The following PEAK1 variants were observed in gnomAD, a reference collection of about 807,000 sequenced individuals.
PEAK1 encodes pseudopodium enriched atypical kinase 1.
Under a neutral mutation model 124.7 loss-of-function variants are expected in PEAK1, and 54 were observed. That is an observed-to-expected ratio of 0.43 (90% CI 0.35 to 0.54). PEAK1 has a LOEUF of 0.54. Ranked by LOEUF, PEAK1 falls within the 20% of genes least tolerant of loss-of-function variation. PEAK1 has a pLI of 0.01. For synonymous variants in PEAK1, 719 were observed against 760.0 expected, an observed-to-expected ratio of 0.95 and a Z score of 0.89; for missense variants, 2,046 against 2,134.5, an observed-to-expected ratio of 0.96 and a Z score of 0.82.
chr15:77,115,354 C>A, intron 9 of PEAK1, 35 bp from the exon 10 acceptor site: 1 of 1,563,142 alleles, frequency 6.4e-7, no homozygotes, highest in Non-Finnish European at 8.8e-7. Context: ...AACTCACACT[C>A]TCATAACCAG....
chr15:77,364,924 A>G (rs148320416), intron 2 of PEAK1, among the ~76,000 whole-genome samples: 226 of 152,326 alleles, frequency 1.5e-3, no homozygotes, highest in Admixed American at 2.4e-3. Context: ...GTCTTTGAGT[A>G]TTAAAGATAT....
At chr15:77,289,761 C>T (rs966561404) in intron 2 of PEAK1, among the ~76,000 whole-genome samples, 1 of 151,962 alleles carries the variant, frequency 6.6e-6, no homozygotes, top group South Asian at 2.1e-4. Context: ...TGCTTGAACC[C>T]GGGAGGCGAA....
chr15:77,298,820 A>G (rs1276077221), intron 2 of PEAK1, among the ~76,000 whole-genome samples: 1 of 152,064 alleles, frequency 6.6e-6, no homozygotes, highest in East Asian at 1.9e-4. Flanking sequence ...CCTCCAAAAA[A>G]CTGTCCCTTC....
intron 7 of PEAK1, chr15:77,178,467 C>T: frequency 2.9e-6 from 1 of 348,136 alleles, no homozygotes; most frequent in South Asian, 9.1e-5. Flanking sequence ...CTTCCTCACA[C>T]TACCATCACA....
intron 5 of PEAK1, among the ~76,000 whole-genome samples, chr15:77,265,333 A>T (rs1435975768): frequency 1.3e-5 from 2 of 152,224 alleles, no homozygotes; most frequent in South Asian, 4.1e-4. Flanking sequence ...ACAAAATGGG[A>T]GAAAATTTTC....
At chr15:77,388,589 A>C (rs1234184297) in intron 1 of PEAK1, among the ~76,000 whole-genome samples, 1 of 152,244 alleles carries the variant, frequency 6.6e-6, no homozygotes, top group Non-Finnish European at 1.5e-5. Flanking sequence ...TCCGTGTATC[A>C]AACAATACAT....
intron 2 of PEAK1, among the ~76,000 whole-genome samples, chr15:77,341,311 C>T (rs1428821246): frequency 6.6e-6 from 1 of 151,966 alleles, no homozygotes; most frequent in Non-Finnish European, 1.5e-5. Context: ...ACCAGCCTGG[C>T]CAACATGGTG....
At chr15:77,244,316 G>C (rs1003214490) in intron 6 of PEAK1, among the ~76,000 whole-genome samples, 7 of 152,202 alleles carry the variant, frequency 4.6e-5, no homozygotes, top group African/African-American at 1.7e-4. Context: ...GCAGCAGATG[G>C]AAGAGATCCC....
At position 77,158,685 on chromosome 15, in the gene PEAK1, T is replaced by A; in HGVS notation, c.3149A>T (p.His1050Leu). The A allele has an allele frequency of 6.2e-7, 1 of 1,613,524 alleles. No homozygotes were observed. The highest frequency in any genetic ancestry group is 8.5e-7 in the Non-Finnish European group (1 of 1,179,452). Residue 1050 changes from histidine (H) to leucine (L), a missense_variant, in exon 8 of 10, where the codon CAT becomes CTT. Coordinates refer to ENST00000682557, the MANE Select transcript of PEAK1 (RefSeq NM_001385026.1). ...AGGAGAAAAATCCTCTGTTACTTCA[T>A]GGGTCATGTGACTGAAACAAATCAG... ...IPKKILSHMTHEVTEDFSPRD... is the reference protein window; with the variant it reads ...IPKKILSHMTLEVTEDFSPRD...
chr15:77,176,887 C>T (rs2056913138), intron 7 of PEAK1, among the ~76,000 whole-genome samples: 1 of 152,164 alleles, frequency 6.6e-6, no homozygotes, highest in African/African-American at 2.4e-5. Flanking sequence ...AACTGTCTAC[C>T]ATTCCCTCCT....
At chr15:77,301,310 T>G (rs1005827476) in intron 2 of PEAK1, among the ~76,000 whole-genome samples, 1 of 152,144 alleles carries the variant, frequency 6.6e-6, no homozygotes, top group Non-Finnish European at 1.5e-5. Flanking sequence ...CTTCTGTGTC[T>G]TATAAGGACA....
Position 77,133,650 on chromosome 15 carries a change from T to C in PEAK1, c.3432A>G (p.Ala1144=), listed in dbSNP as rs1051000255. The change falls in exon 9 of 10, where the codon GCA becomes GCG. Residue 1144 remains alanine, a synonymous_variant. Coordinates refer to ENST00000682557, the MANE Select transcript of PEAK1 (RefSeq NM_001385026.1). This position sits in a 1 kb window ranked among gnomAD's most constrained non-coding sequence, Gnocchi z 4.2. ...IAFGGKTDQE[A]PNASQPTPPP... is the part of the protein sequence containing the mutation. ...GTGGTGTAGGTTGGGAAGCATTGGG[T>C]GCTTCTTGGTCTGTTTTCCCTCCAA... is the stretch of plus-strand genomic sequence containing the variant. 2 of 1,614,126 alleles carry C rather than the reference T, an allele frequency of 1.2e-6. No homozygotes were observed. The highest frequency in any genetic ancestry group is 2.2e-5 in the East Asian group (1 of 44,874).
intron 5 of PEAK1, among the ~76,000 whole-genome samples, chr15:77,266,107 T>C (rs1228077011): frequency 7.3e-6 from 1 of 137,816 alleles, no homozygotes; most frequent in Non-Finnish European, 1.5e-5. Context: ...TGTTGTGGGG[T>C]GGGGAGAGGG....
At chr15:77,276,680 T>G (rs2062347488) in intron 5 of PEAK1, among the ~76,000 whole-genome samples, 1 of 152,122 alleles carries the variant, frequency 6.6e-6, no homozygotes, top group Non-Finnish European at 1.5e-5. Context: ...GAAAAATATG[T>G]ATAAACACAA....
chr15:77,372,127 G>T (rs2068685345), intron 1 of PEAK1, among the ~76,000 whole-genome samples: 1 of 152,216 alleles, frequency 6.6e-6, no homozygotes, highest in African/African-American at 2.4e-5. Flanking sequence ...GATACGAGAA[G>T]AGATATCCAA....
intron 2 of PEAK1, among the ~76,000 whole-genome samples, chr15:77,313,722 G>A (rs1348268289): frequency 2.9e-5 from 3 of 104,648 alleles, no homozygotes; most frequent in African/African-American, 1.0e-4. Context: ...GTGTGTGTGT[G>A]TGTGTATATA....
chr15:77,289,899 G>C (rs1054465630), intron 2 of PEAK1, among the ~76,000 whole-genome samples: 1 of 152,132 alleles, frequency 6.6e-6, no homozygotes, highest in African/African-American at 2.4e-5. Context: ...ATAAATCTAT[G>C]AGGTATTTCC....
At chr15:77,299,453 C>G (rs889093298) in intron 2 of PEAK1, among the ~76,000 whole-genome samples, 2 of 152,106 alleles carry the variant, frequency 1.3e-5, no homozygotes, top group East Asian at 1.9e-4. Context: ...TCAAAATTGA[C>G]AAATTAACAA....
chr15:77,132,425 T>C (rs1462570121), intron 9 of PEAK1, among the ~76,000 whole-genome samples: 1 of 151,760 alleles, frequency 6.6e-6, no homozygotes, highest in Non-Finnish European at 1.5e-5. Context: ...CTGGGCATGG[T>C]GGCTCACACC....
Sources: gnomAD v4.1 joint callset for allele counts (sites outside exome capture counted in the v4.1 genomes callset) on GRCh38, gnomAD v4.1.1 for gene constraint, Gnocchi (gnomAD v3.1) non-coding constraint, MANE v1.5 for transcripts, NCBI Gene and HGNC (gene_info 2026-07-23, HGNC 2026-07-21) for gene names.